DIP2C: variants seen among roughly 807,000 people sequenced by gnomAD.
The protein encoded by DIP2C is disco-interacting protein 2 homolog C.
DIP2C carries 33 observed loss-of-function variants against 192.4 expected under a neutral mutation model. The observed-to-expected ratio is 0.17, with a 90% CI of 0.13 to 0.23. The LOEUF (loss-of-function observed/expected upper bound fraction) is 0.23. DIP2C is among the 10% of genes least tolerant of loss of function. DIP2C has a pLI of 1.00. For missense variants in DIP2C, 1,537 were observed against 2,110.1 expected (o/e 0.73, Z 5.32); for synonymous variants, 979 against 864.1 (o/e 1.13, Z -2.33).
At chr10:572,880 G>T (rs1028571158) in intron 1 of DIP2C, among the ~76,000 whole-genome samples, 1 of 152,134 alleles carries the variant, frequency 6.6e-6, no homozygotes. Flanking sequence ...CAGCCGGCGG[G>T]ACTCGCTAAA....
At chr10:661,577 C>T (rs1856763975) in intron 1 of DIP2C, among the ~76,000 whole-genome samples, 1 of 152,214 alleles carries the variant, frequency 6.6e-6, no homozygotes, top group South Asian at 2.1e-4. Context: ...TGGAAACTCT[C>T]GGCTCTGGGC....
intron 1 of DIP2C, among the ~76,000 whole-genome samples, chr10:616,809 T>A (rs1181166317): frequency 2.6e-5 from 4 of 152,130 alleles, no homozygotes; most frequent in African/African-American, 7.2e-5. Context: ...ACAATTCTGA[T>A]GAAAATATTT....
chr10:503,877 C>T (rs1293951380), intron 1 of DIP2C, among the ~76,000 whole-genome samples: 1 of 152,214 alleles, frequency 6.6e-6, no homozygotes, highest in African/African-American at 2.4e-5. Context: ...TGTCTAAACC[C>T]ATTACTGTGA....
intron 36 of DIP2C, among the ~76,000 whole-genome samples, chr10:278,543 G>A (rs931173144): frequency 5.3e-5 from 8 of 152,240 alleles, no homozygotes; most frequent in African/African-American, 1.9e-4. Flanking sequence ...GCTTGCCCCA[G>A]CTGAGCCAGC....
intron 1 of DIP2C, among the ~76,000 whole-genome samples, chr10:608,961 T>G (rs557479718): frequency 2.6e-5 from 4 of 151,698 alleles, no homozygotes; most frequent in African/African-American, 7.3e-5. Flanking sequence ...CAATGTCTAT[T>G]AGAAGAATTT....
At chr10:425,323 G>A (rs5014280) in intron 4 of DIP2C, among the ~76,000 whole-genome samples, 11,972 of 22,394 alleles carry the variant, frequency 0.53, 2,179 homozygotes, top group Non-Finnish European at 0.58. Flanking sequence ...GGTGACTAAT[G>A]TGACACGGAT....
At position 651,319 on chromosome 10, in the gene DIP2C, G is replaced by C. The variant is rs746252524; in HGVS notation, c.85+38175C>G. The C allele has an allele frequency of 1.4e-6, 1 of 705,688 alleles. No individual in the cohort carries two copies. Among genetic ancestry groups the C allele is most frequent in the Admixed American group, 2.0e-5 (1 of 50,002 alleles). The allele number at this position is 705,688 out of a possible 1,614,324, so 43.7% of individuals were successfully genotyped here. A position where few individuals can be genotyped will look rare whatever the true frequency, so the allele number is the denominator to read the frequency against. ...CAAGCAGAGCCACCAACGTGGACAC[G>C]ATCCCATCAGGAACCACCTACTTTT... On this transcript the variant is annotated intron_variant, in intron 1 of 36. Coordinates refer to ENST00000280886, the MANE Select transcript of DIP2C (RefSeq NM_014974.3). This position sits in a 1 kb window ranked among gnomAD's most constrained non-coding sequence, Gnocchi z 4.1.
At chr10:372,409 G>A (rs916756279) in intron 17 of DIP2C, among the ~76,000 whole-genome samples, 1 of 152,172 alleles carries the variant, frequency 6.6e-6, no homozygotes, top group Non-Finnish European at 1.5e-5. Flanking sequence ...CACAGTTAAC[G>A]AGAAATAAGA....
rs370518608 is a variant in DIP2C at position 409,136 on chromosome 10, G to A, written c.1058-119C>T. 3.6e-5 allele frequency: 33 copies of A among 917,758 alleles called. No individual in the cohort carries two copies. In the African/African-American group the frequency reaches 4.1e-4, roughly 12 times the overall value. 56.9% of individuals were successfully genotyped at this position (917,758 alleles called of 1,614,324 possible). A position where few individuals can be genotyped will look rare whatever the true frequency, so the allele number is the denominator to read the frequency against. ...TTCCTGCGTATCATGGTCTGCAAGC[G>A]ACTTGAAGTGGGGGCAGCTGAGCAA... is the stretch of plus-strand genomic sequence containing the variant. On this transcript the variant is annotated intron_variant, in intron 8 of 36. Coordinates refer to ENST00000280886, the MANE Select transcript of DIP2C (RefSeq NM_014974.3).
At chr10:336,217 A>T (rs1223989074) in intron 29 of DIP2C, among the ~76,000 whole-genome samples, 1 of 152,214 alleles carries the variant, frequency 6.6e-6, no homozygotes. Context: ...AAAAAATTTA[A>T]AAATCAGCAT....
intron 1 of DIP2C, among the ~76,000 whole-genome samples, chr10:658,330 A>C (rs1195228119): frequency 2.6e-4 from 23 of 88,146 alleles, no homozygotes; most frequent in African/African-American, 4.2e-4. Context: ...GCTGGACCTG[A>C]CACTGGACCT....
intron 1 of DIP2C, among the ~76,000 whole-genome samples, chr10:582,700 C>CA (rs1181062092): frequency 6.6e-6 from 1 of 152,192 alleles, no homozygotes; most frequent in Non-Finnish European, 1.5e-5. Context: ...AGCGTGTCTC[C>CA]AAACCAAGTG....
At chr10:684,017 G>C (rs939778986) in intron 1 of DIP2C, among the ~76,000 whole-genome samples, 2 of 152,246 alleles carry the variant, frequency 1.3e-5, no homozygotes, top group African/African-American at 2.4e-5. Flanking sequence ...CGCGTGGCTC[G>C]GGCCCCTAAC....
At chr10:458,801 C>A (rs932935780) in intron 3 of DIP2C, among the ~76,000 whole-genome samples, 3 of 150,536 alleles carry the variant, frequency 2.0e-5, no homozygotes, top group Non-Finnish European at 4.4e-5. Flanking sequence ...AAGGAGGATG[C>A]CCTCTACATT....
chr10:374,557 A>G (rs549145523), intron 17 of DIP2C, among the ~76,000 whole-genome samples: 48 of 152,356 alleles, frequency 3.2e-4, no homozygotes, highest in African/African-American at 9.4e-4. Context: ...GCCAGCGCCA[A>G]TCTCAGTCTG....
intron 1 of DIP2C, among the ~76,000 whole-genome samples, chr10:508,838 T>C (rs1845813394): frequency 6.6e-6 from 1 of 152,158 alleles, no homozygotes; most frequent in African/African-American, 2.4e-5. Flanking sequence ...TGATCAGGGC[T>C]GCATGACCCA....
chr10:295,473 A>G (rs994522680), intron 32 of DIP2C, among the ~76,000 whole-genome samples: 1 of 151,438 alleles, frequency 6.6e-6, no homozygotes, highest in African/African-American at 2.4e-5. Flanking sequence ...AGGCAGGAGA[A>G]TGGCATGAAC....
chr10:387,459 G>A (rs1328389599), intron 14 of DIP2C, among the ~76,000 whole-genome samples: 2 of 152,008 alleles, frequency 1.3e-5, no homozygotes, highest in East Asian at 1.9e-4. Flanking sequence ...AGACAGTGAG[G>A]GGAGGGGACT....
intron 17 of DIP2C, among the ~76,000 whole-genome samples, chr10:382,177 C>CA (rs1260163457): frequency 3.3e-5 from 5 of 152,106 alleles, no homozygotes; most frequent in Non-Finnish European, 7.3e-5. Flanking sequence ...TTCATTCACT[C>CA]AAAAAATATG....
Sources: gnomAD v4.1 joint callset for allele counts (sites outside exome capture counted in the v4.1 genomes callset) on GRCh38, gnomAD v4.1.1 for gene constraint, Gnocchi (gnomAD v3.1) non-coding constraint, MANE v1.5 for transcripts, NCBI Gene and HGNC (gene_info 2026-07-23, HGNC 2026-07-21) for gene names.